MAST4: variants seen among roughly 807,000 people sequenced by gnomAD.
MAST4 encodes the protein microtubule associated serine/threonine kinase family member 4.
In MAST4, 89 loss-of-function variants were observed where a neutral mutation model predicts 162.7. The observed-to-expected ratio is 0.55, with a 90% CI of 0.46 to 0.65. MAST4 has a LOEUF of 0.65. MAST4 is among the 30% of genes least tolerant of loss of function. MAST4 has a pLI of 0.00. For missense variants in MAST4, 3,153 were observed against 3,374.0 expected (o/e 0.93, Z 1.62); for synonymous variants, 1,479 against 1,361.1 (o/e 1.09, Z -1.91).
chr5:67,097,557 G>A (rs142165773), intron 7 of MAST4, among the ~76,000 whole-genome samples: 128 of 152,144 alleles, frequency 8.4e-4, no homozygotes, highest in African/African-American at 2.8e-3. Context: ...TGACCTGGTC[G>A]TCAGTCAAAA....
At chr5:66,609,192 C>T (rs1264009256) in intron 1 of MAST4, among the ~76,000 whole-genome samples, 1 of 151,774 alleles carries the variant, frequency 6.6e-6, no homozygotes, top group East Asian at 1.9e-4. Context: ...GTCTATCACT[C>T]CTGTGTCCTA....
At chr5:66,758,758 G>A (rs1021765090) in intron 1 of MAST4, among the ~76,000 whole-genome samples, 3 of 152,072 alleles carry the variant, frequency 2.0e-5, no homozygotes, top group Non-Finnish European at 2.9e-5. Flanking sequence ...TCAGTGAAGC[G>A]GCTCTTAAAA....
At chr5:66,925,775 A>T (rs1378387994) in intron 4 of MAST4, among the ~76,000 whole-genome samples, 1 of 152,196 alleles carries the variant, frequency 6.6e-6, no homozygotes, top group East Asian at 1.9e-4. Flanking sequence ...TTTTTAAATC[A>T]TGTGTCTCCC....
At chr5:66,771,186 CTT>C (rs536857710) in intron 2 of MAST4, among the ~76,000 whole-genome samples, 2 of 145,458 alleles carry the variant, frequency 1.4e-5, no homozygotes, top group Non-Finnish European at 1.5e-5. Flanking sequence ...TCTTTTCTTT[CTT>C]TTTTTTTTTT....
At chr5:66,745,920 T>C (rs1294982322) in intron 1 of MAST4, among the ~76,000 whole-genome samples, 1 of 152,194 alleles carries the variant, frequency 6.6e-6, no homozygotes, top group Non-Finnish European at 1.5e-5. Flanking sequence ...CCAGAGGAAA[T>C]CATACACTTG....
chr5:67,130,441 C>T lies in MAST4; in HGVS notation c.1954+23C>T, dbSNP rs368849889. 5 of 1,608,006 alleles carry T rather than the reference C, an allele frequency of 3.1e-6. No homozygotes were observed. The African/African-American group carries it at 4.0e-5, about 13-fold the overall frequency. ...AAGGTATCTGACACGGAAAACATGA[C>T]ACCTGTACCCAGGAATCCCTTGCTC... On this transcript the variant is annotated intron_variant, in intron 15 of 28. Transcript: ENST00000403625.
At chr5:67,061,266 T>A (rs1759556060) in intron 5 of MAST4, among the ~76,000 whole-genome samples, 1 of 152,232 alleles carries the variant, frequency 6.6e-6, no homozygotes. Context: ...AGTCCATCAG[T>A]ACAAGCCAAA....
chr5:66,666,472 A>G (rs910688252), intron 1 of MAST4, among the ~76,000 whole-genome samples: 5 of 152,228 alleles, frequency 3.3e-5, no homozygotes, highest in African/African-American at 1.2e-4. Context: ...TATGCCCCAA[A>G]TAAAATGGAG....
rs982441782 is a variant in MAST4, at chr5:66,784,862, G to A, written c.518-3808G>A. ...TGTAAGGTATTATCCCCCTTTTAGA[G>A]ATGGGAATATTGGGGGCTTGGAACT... On this transcript the variant is annotated intron_variant, in intron 2 of 28. Coordinates refer to ENST00000403625, the MANE Select transcript of MAST4 (RefSeq NM_001164664.2). Among the ~76,000 whole-genome samples the A allele has an allele frequency of 1.1e-4, 16 of 152,286 alleles. No individual in the cohort carries two copies. The East Asian group carries it at 3.1e-3, about 29-fold the overall frequency.
chr5:66,993,081 G>A (rs1037464213), intron 4 of MAST4, among the ~76,000 whole-genome samples: 3 of 152,160 alleles, frequency 2.0e-5, no homozygotes, highest in African/African-American at 7.2e-5. Context: ...AAACCCAATA[G>A]TGGCGTTTGG....
intron 3 of MAST4, among the ~76,000 whole-genome samples, chr5:66,868,964 G>T (rs1174898763): frequency 1.3e-5 from 2 of 152,118 alleles, no homozygotes; most frequent in African/African-American, 4.8e-5. Context: ...TTTCACCTTG[G>T]AGTCAGAAGA....
intron 1 of MAST4, among the ~76,000 whole-genome samples, chr5:66,597,876 C>T (rs1439313211): frequency 1.3e-5 from 2 of 151,610 alleles, no homozygotes; most frequent in Admixed American, 6.6e-5. Flanking sequence ...CAATTCTTCA[C>T]GTCTCAGAGC....
intron 4 of MAST4, among the ~76,000 whole-genome samples, chr5:66,915,999 C>G (rs369617298): frequency 6.6e-6 from 1 of 152,230 alleles, no homozygotes; most frequent in Non-Finnish European, 1.5e-5. Flanking sequence ...GCAGCAGCCA[C>G]TAGCCACATG....
At chr5:67,026,313 C>G (rs749789252) in intron 4 of MAST4, among the ~76,000 whole-genome samples, 9 of 152,170 alleles carry the variant, frequency 5.9e-5, no homozygotes, top group Non-Finnish European at 1.3e-4. Flanking sequence ...TTTTACATGC[C>G]GTGCCACTTG....
At position 67,103,317 on chromosome 5, in the gene MAST4, T is replaced by C. The variant is rs538619749; in HGVS notation, c.1146+706T>C. ...GTTTTTCCGATCCACCCCCACAGCC[T>C]GTGTTGCCCTAAACAGGAGAACAAA... On this transcript the variant is annotated intron_variant, in intron 9 of 28. Transcript: ENST00000403625. 3.3e-5 allele frequency among the ~76,000 whole-genome samples: 5 copies of C among 152,346 alleles called. No individual in the cohort carries two copies. In the East Asian group the frequency reaches 7.7e-4, roughly 24 times the overall value.
chr5:67,132,019 G>T, intron 16 of MAST4, 68 bp downstream of exon 16: 1 of 1,503,314 alleles, frequency 6.7e-7, no homozygotes, highest in South Asian at 1.3e-5. Flanking sequence ...TTATAAAGAT[G>T]TTTTCTTTTA....
chr5:67,029,433 C>T (rs1037396261), intron 4 of MAST4, among the ~76,000 whole-genome samples: 7 of 152,122 alleles, frequency 4.6e-5, no homozygotes, highest in Admixed American at 4.6e-4. Context: ...ATGTAAACAT[C>T]TTTGCTTGTA....
intron 1 of MAST4, among the ~76,000 whole-genome samples, chr5:66,651,058 A>G (rs1405546852): frequency 6.6e-6 from 1 of 152,200 alleles, no homozygotes; most frequent in Non-Finnish European, 1.5e-5. Flanking sequence ...TTGCCGTGTC[A>G]CATAGTAGAG....
chr5:66,750,894 C>T (rs1753109604), intron 1 of MAST4, among the ~76,000 whole-genome samples: 1 of 152,222 alleles, frequency 6.6e-6, no homozygotes. Context: ...TTAAATGTCT[C>T]TGTCTGACAG....
Sources: gnomAD v4.1 joint callset for allele counts (sites outside exome capture counted in the v4.1 genomes callset) on GRCh38, gnomAD v4.1.1 for gene constraint, MANE v1.5 for transcripts, NCBI Gene and HGNC (gene_info 2026-07-23, HGNC 2026-07-21) for gene names.